Variants in ZNF804B observed in about 807,000 individuals in gnomAD.
ZNF804B encodes zinc finger protein 804B.
Under a neutral mutation model 101.4 loss-of-function variants are expected in ZNF804B, and 80 were observed. The observed-to-expected ratio is 0.79, with a 90% CI of 0.66 to 0.95. The LOEUF is 0.95. Ranked by LOEUF, ZNF804B falls within the 40% of genes least tolerant of loss-of-function variation. ZNF804B has a pLI of 0.00. For missense variants in ZNF804B, 1,673 were observed against 1,561.9 expected (o/e 1.07, Z -1.20); for synonymous variants, 622 against 558.8 (o/e 1.11, Z -1.59).
chr7:89,318,697 G>T (rs1415372159), intron 2 of ZNF804B, among the ~76,000 whole-genome samples: 1 of 152,194 alleles, frequency 6.6e-6, no homozygotes, highest in Admixed American at 6.5e-5. Context: ...CGGAGGCAGA[G>T]GTTGCAGTGA....
Position 89,030,998 on chromosome 7 carries a change from C to T in ZNF804B, c.109-187157C>T, listed in dbSNP as rs139280479. On this transcript the variant is annotated intron_variant, in intron 1 of 3. Coordinates refer to ENST00000333190, the MANE Select transcript of ZNF804B (RefSeq NM_181646.5). ...TGCTGGTTTTCCCTTAAAAACCCTG[C>T]ATTACACACTGGGGCCTTTTGGGGG... 7.6e-3 allele frequency among the ~76,000 whole-genome samples: 1,119 copies of T among 147,648 alleles called. 6 individuals carry two copies. The highest frequency in any genetic ancestry group is 0.012 in the Non-Finnish European group (804 of 67,056).
chr7:88,922,988 TGAA>T (rs1792743720), intron 1 of ZNF804B, among the ~76,000 whole-genome samples: 2 of 152,124 alleles, frequency 1.3e-5, no homozygotes, highest in East Asian at 3.9e-4. Context: ...AAGTAATTAT[TGAA>T]GACAAAATAA....
intron 2 of ZNF804B, among the ~76,000 whole-genome samples, chr7:89,258,107 A>G (rs1033426971): frequency 6.6e-6 from 1 of 152,002 alleles, no homozygotes; most frequent in Admixed American, 6.6e-5. Flanking sequence ...AACAATAAAA[A>G]TAATATAAAT....
chr7:89,069,601 ATATCT>A (rs1375009939), intron 1 of ZNF804B, among the ~76,000 whole-genome samples: 4 of 152,094 alleles, frequency 2.6e-5, no homozygotes, highest in African/African-American at 9.7e-5. Flanking sequence ...TTATGCTATG[ATATCT>A]TATGAACATT....
intron 1 of ZNF804B, among the ~76,000 whole-genome samples, chr7:88,953,159 C>A (rs1793250629): frequency 6.6e-6 from 1 of 151,560 alleles, no homozygotes; most frequent in Admixed American, 6.6e-5. Flanking sequence ...ACCTAAAGGC[C>A]CTATGTGATT....
intron 2 of ZNF804B, among the ~76,000 whole-genome samples, chr7:89,227,027 A>C (rs1052869454): frequency 6.6e-6 from 1 of 152,178 alleles, no homozygotes; most frequent in Non-Finnish European, 1.5e-5. Flanking sequence ...TCATCAGGTC[A>C]GATGCATAGC....
intron 1 of ZNF804B, among the ~76,000 whole-genome samples, chr7:88,864,002 G>A (rs1791688980): frequency 6.6e-6 from 1 of 152,146 alleles, no homozygotes. Flanking sequence ...ATTCTTTTGG[G>A]AAGAATTTGA....
intron 1 of ZNF804B, among the ~76,000 whole-genome samples, chr7:88,881,132 T>C (rs1260373098): frequency 6.6e-6 from 1 of 152,082 alleles, no homozygotes; most frequent in Non-Finnish European, 1.5e-5. Flanking sequence ...AAAATTATGA[T>C]AGAAGGTTTA....
chr7:89,067,913 A>G (rs1316498586), intron 1 of ZNF804B, among the ~76,000 whole-genome samples: 1 of 148,824 alleles, frequency 6.7e-6, no homozygotes, highest in East Asian at 2.0e-4. Flanking sequence ...GGTTCACACC[A>G]TTCTCCTGCC....
At chr7:88,830,980 A>G (rs1371422235) in intron 1 of ZNF804B, among the ~76,000 whole-genome samples, 1 of 151,818 alleles carries the variant, frequency 6.6e-6, no homozygotes, top group Non-Finnish European at 1.5e-5. Flanking sequence ...TTTATTTGTG[A>G]TATATGTTGC....
At chr7:89,094,525 G>T (rs762147039) in intron 1 of ZNF804B, among the ~76,000 whole-genome samples, 11 of 152,000 alleles carry the variant, frequency 7.2e-5, no homozygotes, top group Non-Finnish European at 1.5e-4. Flanking sequence ...TATTGGAGAA[G>T]ATATGGGTAC....
chr7:88,922,469 A>G (rs1792733150), intron 1 of ZNF804B, among the ~76,000 whole-genome samples: 1 of 152,030 alleles, frequency 6.6e-6, no homozygotes, highest in Non-Finnish European at 1.5e-5. Flanking sequence ...TCTTAAAATT[A>G]CTTTAATGAA....
chr7:88,828,088 G>A (rs1350834583), intron 1 of ZNF804B, among the ~76,000 whole-genome samples: 2 of 151,820 alleles, frequency 1.3e-5, no homozygotes, highest in African/African-American at 4.8e-5. Flanking sequence ...TTCCTTTGTA[G>A]AAAATGCCAA....
chr7:88,769,573 T>C (rs985960597), intron 1 of ZNF804B, among the ~76,000 whole-genome samples: 7 of 152,234 alleles, frequency 4.6e-5, no homozygotes, highest in Non-Finnish European at 7.3e-5. Flanking sequence ...ATTTAACAGC[T>C]TCTGATAAAT....
At chr7:88,843,375 T>C (rs1791315403) in intron 1 of ZNF804B, among the ~76,000 whole-genome samples, 1 of 152,188 alleles carries the variant, frequency 6.6e-6, no homozygotes, top group African/African-American at 2.4e-5. Flanking sequence ...AAAACATTCA[T>C]TAATTTCCTG....
chr7:88,984,742 A>G lies in ZNF804B; in HGVS notation c.108+224658A>G, dbSNP rs1306292898. ...CACTTTCTATAACAAGGTAGGCAGT[A>G]TATTTCCTAAGATATTAGATTGTTT... On this transcript the variant is annotated intron_variant, in intron 1 of 3. Transcript: ENST00000333190. Among the ~76,000 whole-genome samples, 17 of 152,098 alleles carry G rather than the reference A, an allele frequency of 1.1e-4. 1 individual carries two copies. Among genetic ancestry groups the G allele is most frequent in the Middle Eastern group, 3.2e-3 (1 of 316 alleles).
intron 1 of ZNF804B, among the ~76,000 whole-genome samples, chr7:88,807,801 A>T (rs1046240453): frequency 6.6e-6 from 1 of 152,182 alleles, no homozygotes. Flanking sequence ...CTAAAGTAAA[A>T]TCTTGTGCAT....
At chr7:89,008,280 A>G (rs1346697222) in intron 1 of ZNF804B, among the ~76,000 whole-genome samples, 1 of 152,142 alleles carries the variant, frequency 6.6e-6, no homozygotes, top group Non-Finnish European at 1.5e-5. Flanking sequence ...TCATTACACA[A>G]AAAACCAAAC....
intron 2 of ZNF804B, among the ~76,000 whole-genome samples, chr7:89,234,336 A>T (rs571900279): frequency 2.6e-5 from 4 of 152,164 alleles, no homozygotes; most frequent in African/African-American, 7.2e-5. Flanking sequence ...AAGTGTATTA[A>T]ATTGACTACT....
Sources: allele counts gnomAD v4.1 joint callset (sites outside exome capture counted in the v4.1 genomes callset), GRCh38; gene constraint gnomAD v4.1.1; transcripts MANE v1.5; gene names NCBI Gene and HGNC (gene_info 2026-07-23, HGNC 2026-07-21).